The following EFNA5 variants were observed in gnomAD, a reference collection of about 807,000 sequenced individuals.
The protein encoded by EFNA5 is ephrin A5.
A neutral mutation model predicts 22.9 loss-of-function variants in EFNA5; 5 were observed. The observed-to-expected ratio is 0.22, with a 90% CI of 0.11 to 0.46. The LOEUF (loss-of-function observed/expected upper bound fraction) is 0.46, where lower values mean the gene tolerates loss of function less well. EFNA5 is among the 20% of genes least tolerant of loss of function. The probability of loss-of-function intolerance (pLI) is 0.99; values close to 1 mark genes in which losing one functional copy is unlikely to be tolerated. For synonymous variants in EFNA5, 113 were observed against 112.2 expected (o/e 1.01, Z -0.04); for missense variants, 237 against 293.3 (o/e 0.81, Z 1.40).
Position 107,496,354 on chromosome 5 carries a change from C to CA in EFNA5, c.126-68846dup, listed in dbSNP as rs1161571717. ...TCCATCTCAAAAAAAAAAAAAAAAACAAAAAAACAAAAAACAACAACTACC... is the reference window on the plus strand; with the variant it reads ...TCCATCTCAAAAAAAAAAAAAAAAACAAAAAAAACAAAAAACAACAACTACC... On this transcript the variant is annotated intron_variant, in intron 1 of 4. Transcript: ENST00000333274. 1.6e-4 allele frequency among the ~76,000 whole-genome samples: 20 copies of CA among 121,762 alleles called. 1 individual carries two copies. The highest frequency in any genetic ancestry group is 5.9e-4 in the East Asian group (2 of 3,388). The allele number at this position is 121,762 out of a possible 152,430, so 79.9% of individuals were successfully genotyped here.
rs142567158 is a variant in EFNA5, at chr5:107,436,213, T to C, written c.126-8704A>G. Among the ~76,000 whole-genome samples, 187 of 152,322 alleles carry C rather than the reference T, an allele frequency of 1.2e-3. 1 individual carries two copies. The East Asian group carries it at 0.02, about 16-fold the overall frequency. On this transcript the variant is annotated intron_variant, in intron 1 of 4. Coordinates refer to ENST00000333274, the MANE Select transcript of EFNA5 (RefSeq NM_001962.3). ...GCCCACATAATGTTCTCTCCTCCAGTGTTGTAACTCATTTGGAGTTTGTTT... is the reference window on the plus strand; with the variant it reads ...GCCCACATAATGTTCTCTCCTCCAGCGTTGTAACTCATTTGGAGTTTGTTT...
intron 1 of EFNA5, among the ~76,000 whole-genome samples, chr5:107,467,531 A>G (rs1171444949): frequency 6.6e-6 from 1 of 152,202 alleles, no homozygotes; most frequent in Admixed American, 6.5e-5. Context: ...GGTAAAAAAA[A>G]TAGTGTCTAT....
intron 1 of EFNA5, among the ~76,000 whole-genome samples, chr5:107,566,839 T>C (rs1409927037): frequency 6.6e-6 from 1 of 152,238 alleles, no homozygotes; most frequent in Non-Finnish European, 1.5e-5. Flanking sequence ...TCCTCATTCT[T>C]ACTATACAAT....
chr5:107,464,113 A>G (rs1260832804), intron 1 of EFNA5, among the ~76,000 whole-genome samples: 1 of 152,158 alleles, frequency 6.6e-6, no homozygotes, highest in East Asian at 1.9e-4. Context: ...CATGGGATTC[A>G]AAAAGAGGCA....
chr5:107,566,659 T>C (rs1269138260), intron 1 of EFNA5, among the ~76,000 whole-genome samples: 2 of 152,144 alleles, frequency 1.3e-5, no homozygotes. Flanking sequence ...CATCACACAC[T>C]TAAAAAAAGA....
At chr5:107,559,525 A>G (rs943230342) in intron 1 of EFNA5, among the ~76,000 whole-genome samples, 2 of 152,186 alleles carry the variant, frequency 1.3e-5, no homozygotes, top group African/African-American at 2.4e-5. Context: ...CTTCTCCACA[A>G]TATAATTCAT....
intron 1 of EFNA5, among the ~76,000 whole-genome samples, chr5:107,638,871 A>G (rs912827261): frequency 6.6e-6 from 1 of 152,156 alleles, no homozygotes; most frequent in African/African-American, 2.4e-5. Context: ...TATGTGAACT[A>G]ATGCATATGT....
At chr5:107,620,604 C>T (rs1750013725) in intron 1 of EFNA5, among the ~76,000 whole-genome samples, 1 of 152,128 alleles carries the variant, frequency 6.6e-6, no homozygotes, top group Admixed American at 6.5e-5. Context: ...GATAACACTG[C>T]AAAAGACCCT....
chr5:107,385,428 C>T (rs1034625630), intron 4 of EFNA5, among the ~76,000 whole-genome samples: 5 of 152,160 alleles, frequency 3.3e-5, no homozygotes, highest in Non-Finnish European at 7.3e-5. Flanking sequence ...CTACATTCTG[C>T]ACAATGTGTA....
intron 1 of EFNA5, among the ~76,000 whole-genome samples, chr5:107,512,481 G>C (rs532774249): frequency 1.4e-4 from 22 of 151,940 alleles, no homozygotes; most frequent in African/African-American, 5.1e-4. Flanking sequence ...GAGGTTTACA[G>C]TTCTTGTAGG....
chr5:107,615,631 T>C (rs1162121147), intron 1 of EFNA5, among the ~76,000 whole-genome samples: 2 of 152,196 alleles, frequency 1.3e-5, no homozygotes. Flanking sequence ...TTATGCATCC[T>C]TTCCTCTCTG....
intron 1 of EFNA5, among the ~76,000 whole-genome samples, chr5:107,648,776 T>G (rs1750675116): frequency 6.6e-6 from 1 of 152,026 alleles, no homozygotes; most frequent in Admixed American, 6.6e-5. Context: ...TTTAAAGCCA[T>G]GTCTGAAAAC....
intron 1 of EFNA5, among the ~76,000 whole-genome samples, chr5:107,539,914 G>A (rs905083540): frequency 2.0e-5 from 3 of 152,126 alleles, no homozygotes; most frequent in Admixed American, 6.5e-5. Flanking sequence ...ACAGGCTTTC[G>A]AATGTGGCTT....
At chr5:107,471,429 A>C (rs1750138477) in intron 1 of EFNA5, among the ~76,000 whole-genome samples, 1 of 151,984 alleles carries the variant, frequency 6.6e-6, no homozygotes, top group South Asian at 2.1e-4. Context: ...ATATTATTAC[A>C]CTTAATGTGT....
intron 1 of EFNA5, among the ~76,000 whole-genome samples, chr5:107,534,925 A>C (rs772023111): frequency 5.3e-5 from 8 of 152,252 alleles, no homozygotes; most frequent in Non-Finnish European, 8.8e-5. Context: ...ATAAATAAAT[A>C]AAAGCATAAT....
chr5:107,543,483 C>T (rs1748087628), intron 1 of EFNA5, among the ~76,000 whole-genome samples: 1 of 152,174 alleles, frequency 6.6e-6, no homozygotes, highest in Non-Finnish European at 1.5e-5. Context: ...ACACAAAGAA[C>T]ATCTTGGCAA....
intron 2 of EFNA5, among the ~76,000 whole-genome samples, chr5:107,417,900 G>A (rs1411053124): frequency 1.3e-5 from 2 of 152,204 alleles, no homozygotes; most frequent in African/African-American, 4.8e-5. Context: ...AATAGAGCAA[G>A]AATAGATGAG....
intron 1 of EFNA5, among the ~76,000 whole-genome samples, chr5:107,618,571 C>T (rs560979197): frequency 6.6e-5 from 10 of 152,268 alleles, no homozygotes; most frequent in South Asian, 6.2e-4. Flanking sequence ...TCAGATTTGG[C>T]GATGACAGGA....
At chr5:107,481,960 T>C (rs952042359) in intron 1 of EFNA5, among the ~76,000 whole-genome samples, 1 of 152,146 alleles carries the variant, frequency 6.6e-6, no homozygotes, top group African/African-American at 2.4e-5. Flanking sequence ...CTGTCTTGTG[T>C]AATCATACAC....
Sources: allele counts gnomAD v4.1 joint callset (sites outside exome capture counted in the v4.1 genomes callset), GRCh38; gene constraint gnomAD v4.1.1; transcripts MANE v1.5; gene names NCBI Gene and HGNC (gene_info 2026-07-23, HGNC 2026-07-21).